Variants in TMEM232 observed in about 807,000 individuals in gnomAD.
The protein encoded by TMEM232 is transmembrane protein 232.
Under a neutral mutation model 78.8 loss-of-function variants are expected in TMEM232, and 80 were observed. The observed-to-expected ratio is 1.01, with a 90% CI of 0.85 to 1.22. The LOEUF (loss-of-function observed/expected upper bound fraction) is 1.22, where lower values mean the gene tolerates loss of function less well. Ranked by LOEUF, TMEM232 falls within the 50% of genes most tolerant of loss-of-function variation. The pLI is 0.00. For synonymous variants in TMEM232, 297 were observed against 254.3 expected, an observed-to-expected ratio of 1.17 and a Z score of -1.60; for missense variants, 881 against 742.2, an observed-to-expected ratio of 1.19 and a Z score of -2.17.
In TMEM232 at chr5:110,568,591, T is replaced by A. The variant is rs764673127; in HGVS notation, c.1311A>T (p.Leu437Phe). 1 of 1,548,652 alleles carries A rather than the reference T, an allele frequency of 6.5e-7. No individual in the cohort carries two copies. Among genetic ancestry groups the A allele is most frequent in the Non-Finnish European group, 8.7e-7 (1 of 1,145,558 alleles). ...DQVVWTGYYG[L>F]VYNLVKISWE... is the part of the protein sequence containing the mutation. ...ATGAAATTTTCACCAGGTTATACAC[T>A]AAGCCATAGTAACCAGTCCAGACTA... Residue 437 changes from leucine (L) to phenylalanine (F), a missense_variant, in exon 11 of 14, where the codon TTA becomes TTT. Transcript: ENST00000455884.
chr5:110,668,656 C>T (rs1790928901), intron 1 of TMEM232, among the ~76,000 whole-genome samples: 1 of 152,068 alleles, frequency 6.6e-6, no homozygotes, highest in African/African-American at 2.4e-5. Context: ...ACTCTCCACC[C>T]CAAATCAACA....
intron 1 of TMEM232, among the ~76,000 whole-genome samples, chr5:110,703,359 G>C (rs1795620769): frequency 6.6e-6 from 1 of 151,988 alleles, no homozygotes; most frequent in South Asian, 2.1e-4. Flanking sequence ...ATGTTTATAA[G>C]CTTACTCACT....
intron 10 of TMEM232, among the ~76,000 whole-genome samples, chr5:110,574,559 A>G (rs1194092512): frequency 6.6e-6 from 1 of 152,052 alleles, no homozygotes; most frequent in African/African-American, 2.4e-5. Flanking sequence ...GCCACACTCT[A>G]TCAGTTTGAA....
chr5:110,574,493 T>G (rs1777343259), intron 10 of TMEM232, among the ~76,000 whole-genome samples: 1 of 152,002 alleles, frequency 6.6e-6, no homozygotes, highest in Non-Finnish European at 1.5e-5. Context: ...CCTGGGGTCT[T>G]TGGGTATGTT....
chr5:110,553,832 A>G (rs1774748246), intron 11 of TMEM232, among the ~76,000 whole-genome samples: 2 of 152,076 alleles, frequency 1.3e-5, no homozygotes, highest in African/African-American at 4.8e-5. Flanking sequence ...AAATTGTTCA[A>G]TATAATGTTA....
intron 1 of TMEM232, among the ~76,000 whole-genome samples, chr5:110,693,107 A>T (rs1794335599): frequency 6.6e-6 from 1 of 152,124 alleles, no homozygotes; most frequent in African/African-American, 2.4e-5. Context: ...GAGACAAAAC[A>T]ACCAGAGGAA....
chr5:110,554,283 C>A (rs1195929405), intron 11 of TMEM232, among the ~76,000 whole-genome samples: 2 of 152,074 alleles, frequency 1.3e-5, no homozygotes, highest in Non-Finnish European at 2.9e-5. Context: ...CTGACCTAGC[C>A]TCCCAGACTA....
At chr5:110,642,235 C>G (rs937867709) in intron 3 of TMEM232, 25 bp downstream of exon 3, 1 of 1,428,350 alleles carries the variant, frequency 7.0e-7, no homozygotes, top group Non-Finnish European at 9.5e-7. Flanking sequence ...TTAACATGCT[C>G]AACAATCAAA....
In TMEM232 at chr5:110,680,527, T is replaced by C. The variant is rs190841899; in HGVS notation, c.-12-13163A>G. Among the ~76,000 whole-genome samples, 14 of 152,234 alleles carry C rather than the reference T, an allele frequency of 9.2e-5. No individual in the cohort carries two copies. The East Asian group carries it at 1.5e-3, about 17-fold the overall frequency. ...TGTAGGAAGTAGAATAATCTTTTTC[T>C]TGGTCTTCTTTTATTTTGTTCTTTA... On this transcript the variant is annotated intron_variant, in intron 1 of 13. Transcript: ENST00000455884.
chr5:110,736,809 C>T (rs2150394059), intron 1 of TMEM232, among the ~76,000 whole-genome samples: 1 of 152,104 alleles, frequency 6.6e-6, no homozygotes, highest in Middle Eastern at 3.4e-3. Context: ...AGATCTGGCA[C>T]CTAGCCTCCT....
chr5:110,627,812 T>C lies in TMEM232; in HGVS notation c.570A>G (p.Gln190=). The change falls in exon 6 of 14, where the codon CAA becomes CAG. Residue 190 remains glutamine, a synonymous_variant. Transcript: ENST00000455884. ...FLHGHLESFK[Q]HLLRLQPYLY... ...AATATGGTTGAAGCCTAAGTAAATG[T>C]TGTTTAAAACTTTCTAGATGACCAT... 2 of 1,532,472 alleles carry C rather than the reference T, an allele frequency of 1.3e-6. No individual in the cohort carries two copies. The highest frequency in any genetic ancestry group is 1.8e-6 in the Non-Finnish European group (2 of 1,141,132). The allele number at this position is 1,532,472 out of a possible 1,614,324, so 94.9% of individuals were successfully genotyped here.
rs190080161 is a variant in TMEM232, at chr5:110,546,031, G to T, written c.1456-17196C>A. ...TTCTTTCCCAAATACTCAGGCAACAGTTGGGTTTATATTGAATTTGTCACA... is the reference window on the plus strand; with the variant it reads ...TTCTTTCCCAAATACTCAGGCAACATTTGGGTTTATATTGAATTTGTCACA... On this transcript the variant is annotated intron_variant, in intron 11 of 13. Coordinates refer to ENST00000455884, the MANE Select transcript of TMEM232 (RefSeq NM_001039763.4). 2.0e-5 allele frequency among the ~76,000 whole-genome samples: 3 copies of T among 152,186 alleles called. No homozygotes were observed. In the East Asian group the frequency reaches 5.8e-4, roughly 29 times the overall value.
intron 2 of TMEM232, among the ~76,000 whole-genome samples, chr5:110,400,713 G>GT (rs2112568644): frequency 6.6e-6 from 1 of 152,084 alleles, no homozygotes; most frequent in East Asian, 1.9e-4. Flanking sequence ...TATAAAAACA[G>GT]TGTAGTGGCA....
rs572260204 is a variant in TMEM232, at chr5:110,473,969, G to C, written c.1704-49053C>G. ...GAAATCAAAAGTGGTTACTATCATA[G>C]GCTGGGGGTGGGGGAGAGTAGGGGG... On this transcript the variant is annotated intron_variant, in intron 12 of 13. Transcript: ENST00000455884. 1.7e-4 allele frequency among the ~76,000 whole-genome samples: 24 copies of C among 141,116 alleles called. 1 individual carries two copies. Among genetic ancestry groups the C allele is most frequent in the Admixed American group, 7.8e-4 (11 of 14,128 alleles). The allele number at this position is 141,116 out of a possible 152,430, so 92.6% of individuals were successfully genotyped here. A position where few individuals can be genotyped will look rare whatever the true frequency, so the allele number is the denominator to read the frequency against.
At chr5:110,638,157 G>C (rs2150003052) in intron 5 of TMEM232, 41 bp downstream of exon 5, 5 of 1,441,222 alleles carry the variant, frequency 3.5e-6, no homozygotes, top group Non-Finnish European at 3.8e-6. Context: ...CATGTAGTAT[G>C]TGAAATATTT....
intron 2 of TMEM232, among the ~76,000 whole-genome samples, chr5:110,401,254 T>G (rs1197236388): frequency 6.6e-6 from 1 of 151,232 alleles, no homozygotes; most frequent in Non-Finnish European, 1.5e-5. Flanking sequence ...CACAATAGCA[T>G]AAAGGCAACT....
At chr5:110,397,496 C>A (rs1194179908) in intron 3 of TMEM232, among the ~76,000 whole-genome samples, 3 of 152,074 alleles carry the variant, frequency 2.0e-5, no homozygotes, top group Non-Finnish European at 2.9e-5. Flanking sequence ...GTGCTGAAGT[C>A]TATGAAAGAT....
chr5:110,624,230 C>T (rs765284882), intron 7 of TMEM232, among the ~76,000 whole-genome samples: 6 of 151,998 alleles, frequency 3.9e-5, no homozygotes, highest in Admixed American at 2.6e-4. Flanking sequence ...AAAGTGAGGT[C>T]CTAAATATAT....
In TMEM232 at chr5:110,605,875, C is replaced by G. The variant is rs377456286; in HGVS notation, c.1026+289G>C. Among the ~76,000 whole-genome samples, 9 of 152,042 alleles carry G rather than the reference C, an allele frequency of 5.9e-5. 1 individual carries two copies. Among genetic ancestry groups the G allele is most frequent in the East Asian group, 5.8e-4 (3 of 5,188 alleles). On this transcript the variant is annotated intron_variant, in intron 9 of 13. Transcript: ENST00000455884. ...GTATGAGAATAACAATTCAACATTA[C>G]TTATAATTAACTGTGAACAATTAGA...
Sources: gnomAD v4.1 joint callset for allele counts (sites outside exome capture counted in the v4.1 genomes callset) on GRCh38, gnomAD v4.1.1 for gene constraint, MANE v1.5 for transcripts, NCBI Gene and HGNC (gene_info 2026-07-23, HGNC 2026-07-21) for gene names.